Variants in HMGCLL1 observed in about 807,000 individuals in gnomAD.
HMGCLL1 encodes 3-hydroxymethyl-3-methylglutaryl-CoA lyase, cytoplasmic.
In HMGCLL1, 36 loss-of-function variants were observed where a neutral mutation model predicts 39.1. That is an observed-to-expected ratio of 0.92 (90% CI 0.71 to 1.22). HMGCLL1 has a LOEUF of 1.22. Ranked by LOEUF, HMGCLL1 falls within the 50% of genes most tolerant of loss-of-function variation. The pLI is 0.00. For missense variants in HMGCLL1, 451 were observed against 416.5 expected (o/e 1.08, Z -0.72); for synonymous variants, 149 against 144.0 (o/e 1.03, Z -0.25).
chr6:55,565,622 A>T (rs1771174892), intron 1 of HMGCLL1, among the ~76,000 whole-genome samples: 1 of 152,120 alleles, frequency 6.6e-6, no homozygotes, highest in African/African-American at 2.4e-5. Flanking sequence ...ATCTGTACAA[A>T]TTCTTCAAAG....
chr6:55,668,028 T>C, the HMGCLL1 span, among the ~76,000 whole-genome samples: 95 of 152,024 alleles, frequency 6.2e-4, no homozygotes, highest in Middle Eastern at 6.8e-3. Flanking sequence ...GAGAATTCAC[T>C]TCTATGGCAC....
chr6:55,646,814 ATTC>A, the HMGCLL1 span, among the ~76,000 whole-genome samples: 4 of 151,978 alleles, frequency 2.6e-5, no homozygotes, highest in Non-Finnish European at 4.4e-5. Context: ...GATCTAACAT[ATTC>A]TTGAAAATGA....
chr6:55,519,862 C>T lies in HMGCLL1; in HGVS notation c.298-3259G>A, dbSNP rs992614477. On this transcript the variant is annotated intron_variant, in intron 3 of 8. Transcript: ENST00000274901. Reference sequence around the variant, plus strand: ...GGGCAAATAAACAAATTTTAATCTACAATAAATATAGATAATCTTGGCCTA... The same window carrying T: ...GGGCAAATAAACAAATTTTAATCTATAATAAATATAGATAATCTTGGCCTA... Among the ~76,000 whole-genome samples, 13 of 151,996 alleles carry T rather than the reference C, an allele frequency of 8.6e-5. 1 individual carries two copies. Among genetic ancestry groups the T allele is most frequent in the Admixed American group, 5.9e-4 (9 of 15,224 alleles).
At chr6:55,459,850 T>C (rs1314379705) in intron 7 of HMGCLL1, among the ~76,000 whole-genome samples, 1 of 152,042 alleles carries the variant, frequency 6.6e-6, no homozygotes, top group African/African-American at 2.4e-5. Flanking sequence ...TAGGTAAATA[T>C]ATAGATATAT....
At chr6:55,522,120 T>C (rs1342336660) in intron 3 of HMGCLL1, among the ~76,000 whole-genome samples, 1 of 151,994 alleles carries the variant, frequency 6.6e-6, no homozygotes, top group Non-Finnish European at 1.5e-5. Context: ...TTCAATATTA[T>C]AAAGGCTGAG....
the HMGCLL1 span, among the ~76,000 whole-genome samples, chr6:55,655,973 A>G: frequency 6.6e-6 from 1 of 151,888 alleles, no homozygotes; most frequent in African/African-American, 2.4e-5. Context: ...ATTTCTTCTT[A>G]ATCTCCCAAG....
At chr6:55,630,559 G>A in the HMGCLL1 span, among the ~76,000 whole-genome samples, 1 of 151,970 alleles carries the variant, frequency 6.6e-6, no homozygotes, top group East Asian at 1.9e-4. Flanking sequence ...ATTTGGGAGG[G>A]GCCAGGGGTG....
At chr6:55,650,741 C>T in the HMGCLL1 span, among the ~76,000 whole-genome samples, 1 of 152,070 alleles carries the variant, frequency 6.6e-6, no homozygotes, top group Non-Finnish European at 1.5e-5. Context: ...TAAGCTGGCA[C>T]TCAAACCACT....
At chr6:55,451,993 A>T (rs375447065) in intron 7 of HMGCLL1, among the ~76,000 whole-genome samples, 3 of 152,194 alleles carry the variant, frequency 2.0e-5, no homozygotes, top group African/African-American at 7.2e-5. Flanking sequence ...CCTAGAACAT[A>T]ATAAGTTATT....
chr6:55,582,029 A>C (rs1201865127), upstream of HMGCLL1, among the ~76,000 whole-genome samples: 1 of 152,168 alleles, frequency 6.6e-6, no homozygotes, highest in African/African-American at 2.4e-5. Context: ...TCTTGGACTC[A>C]TCCCTTGCTC....
intron 7 of HMGCLL1, among the ~76,000 whole-genome samples, chr6:55,463,395 T>C (rs1305989921): frequency 6.6e-6 from 1 of 151,936 alleles, no homozygotes; most frequent in Non-Finnish European, 1.5e-5. Context: ...AATGTGAAAA[T>C]TGCATGGTTA....
chr6:55,638,586 A>G, the HMGCLL1 span, among the ~76,000 whole-genome samples: 3 of 152,126 alleles, frequency 2.0e-5, no homozygotes, highest in Non-Finnish European at 4.4e-5. Flanking sequence ...TCAGTCTGAA[A>G]TGAGTCCTGG....
Position 55,444,833 on chromosome 6 carries a change from T to A in HMGCLL1, c.796-5274A>T, listed in dbSNP as rs569223263. Among the ~76,000 whole-genome samples the A allele has an allele frequency of 1.6e-3, 242 of 152,166 alleles. 2 individuals carry two copies. Among genetic ancestry groups the A allele is most frequent in the South Asian group, 3.1e-3 (15 of 4,832 alleles). ...AAATCCAAGACTGAATTTATTCATA[T>A]TTTGCAATAATGGATCTTTCTAGGA... On this transcript the variant is annotated intron_variant, in intron 7 of 8. Coordinates refer to ENST00000274901, the MANE Select transcript of HMGCLL1 (RefSeq NM_001042406.2).
At chr6:55,435,915 T>G (rs1285931808) in intron 8 of HMGCLL1, 152 bp from the exon 9 acceptor site, 1 of 473,708 alleles carries the variant, frequency 2.1e-6, no homozygotes, top group African/African-American at 2.0e-5. Flanking sequence ...GGGCAACATT[T>G]GTTTCCATGA....
intron 1 of HMGCLL1, among the ~76,000 whole-genome samples, chr6:55,552,944 C>A (rs951129517): frequency 1.3e-5 from 2 of 151,896 alleles, no homozygotes; most frequent in East Asian, 3.9e-4. Flanking sequence ...GAGTTCAAGA[C>A]CAGCCTGGCT....
intron 5 of HMGCLL1, among the ~76,000 whole-genome samples, chr6:55,503,226 CAT>C (rs908626668): frequency 1.1e-4 from 16 of 151,814 alleles, no homozygotes. Context: ...CCACAATACT[CAT>C]GTGTCACAAA....
chr6:55,549,243 T>C (rs1470183352), intron 1 of HMGCLL1, among the ~76,000 whole-genome samples: 1 of 151,828 alleles, frequency 6.6e-6, no homozygotes, highest in Non-Finnish European at 1.5e-5. Context: ...ATATTTTATA[T>C]AGAAAATTTC....
chr6:55,678,480 G>T, the HMGCLL1 span, among the ~76,000 whole-genome samples: 2 of 152,134 alleles, frequency 1.3e-5, no homozygotes, highest in Non-Finnish European at 2.9e-5. Context: ...TGGAAGTGAT[G>T]TAATAGTAAA....
At chr6:55,541,367 GCTA>G (rs1769422929) in intron 3 of HMGCLL1, among the ~76,000 whole-genome samples, 1 of 152,244 alleles carries the variant, frequency 6.6e-6, no homozygotes, top group African/African-American at 2.4e-5. Context: ...AAGCTATCAG[GCTA>G]CTTATTATCA....
Sources: allele counts gnomAD v4.1 joint callset (sites outside exome capture counted in the v4.1 genomes callset), GRCh38; gene constraint gnomAD v4.1.1; transcripts MANE v1.5; gene names NCBI Gene and HGNC (gene_info 2026-07-23, HGNC 2026-07-21).